RHD: variants seen among roughly 807,000 people sequenced by gnomAD.
RHD encodes the protein blood group Rh(D) polypeptide.
Under a neutral mutation model 45.5 loss-of-function variants are expected in RHD, and 16 were observed. The observed-to-expected ratio is 0.35, with a 90% CI of 0.24 to 0.53. RHD has a LOEUF of 0.53. Among genes scored for constraint, RHD ranks in the 20% least tolerant of loss-of-function variants. The pLI is 0.92. For synonymous variants in RHD, 131 were observed against 217.5 expected, an observed-to-expected ratio of 0.60 and a Z score of 3.50; for missense variants, 306 against 532.0, an observed-to-expected ratio of 0.58 and a Z score of 4.18.
Position 25,295,849 on chromosome 1 carries a change from AATTTTTTT to A in RHD, c.486+5059_486+5066del, listed in dbSNP as rs1457736581. Among the ~76,000 whole-genome samples, 97 of 33,730 alleles carry A rather than the reference AATTTTTTT, an allele frequency of 2.9e-3. 11 individuals are homozygous for A. The highest frequency in any genetic ancestry group is 5.5e-3 in the African/African-American group (95 of 17,220). The allele number at this position is 33,730 out of a possible 152,430, so 22.1% of individuals were successfully genotyped here. A position where few individuals can be genotyped will look rare whatever the true frequency, so the allele number is the denominator to read the frequency against. ...CAATGGTCTGGGAGGGAATATGGGAAATTTTTTTTTTTTTTTTTTTTTTTTTTTTTGAG... is the reference window on the plus strand; with the variant it reads ...CAATGGTCTGGGAGGGAATATGGGAATTTTTTTTTTTTTTTTTTTTTTGAG... On this transcript the variant is annotated intron_variant, in intron 3 of 9. Coordinates refer to ENST00000328664, the MANE Select transcript of RHD (RefSeq NM_016124.6).
At position 25,294,042 on chromosome 1, in the gene RHD, G is replaced by A. The variant is rs1201707542; in HGVS notation, c.486+3251G>A. The A allele has an allele frequency of 2.6e-5, 16 of 608,238 alleles. 3 individuals are homozygous for A. The African/African-American group carries it at 2.7e-4, about 10-fold the overall frequency. The allele number at this position is 608,238 out of a possible 1,614,324, so 37.7% of individuals were successfully genotyped here. On this transcript the variant is annotated intron_variant, in intron 3 of 9. Coordinates refer to ENST00000328664, the MANE Select transcript of RHD (RefSeq NM_016124.6). Reference sequence around the variant, plus strand: ...ATTCTGAAAATAATCTTGTGATTAAGAGAAGAAGGCTGTCCACCAATGGGC... The same window carrying A: ...ATTCTGAAAATAATCTTGTGATTAAAAGAAGAAGGCTGTCCACCAATGGGC...
At chr1:25,324,889 CA>C (rs1333526234) in intron 9 of RHD, among the ~76,000 whole-genome samples, 1 of 114,034 alleles carries the variant, frequency 8.8e-6, no homozygotes, top group Non-Finnish European at 1.8e-5. Context: ...ACTAAAAATA[CA>C]AAAAAAAATT....
rs997148144 is a variant in RHD at position 25,289,959 on chromosome 1, T to C, written c.336-682T>C. 6.9e-5 allele frequency among the ~76,000 whole-genome samples: 9 copies of C among 130,456 alleles called. 4 individuals carry two copies. The highest frequency in any genetic ancestry group is 7.2e-5 in the Non-Finnish European group (4 of 55,486). 85.6% of individuals were successfully genotyped at this position (130,456 alleles called of 152,430 possible). A position where few individuals can be genotyped will look rare whatever the true frequency, so the allele number is the denominator to read the frequency against. On this transcript the variant is annotated intron_variant, in intron 2 of 9. Transcript: ENST00000328664. ...AGCGTCTTTTCAGAAGTTGGTTCTT[T>C]GTGCCAGTCTTGGTGCTAGACACAC...
chr1:25,311,098 G>A lies in RHD; in HGVS notation c.1073+4369G>A, dbSNP rs151179488. Among the ~76,000 whole-genome samples, 25 of 132,800 alleles carry A rather than the reference G, an allele frequency of 1.9e-4. 4 individuals carry two copies. In the East Asian group the frequency reaches 2.5e-3, roughly 13 times the overall value. The allele number at this position is 132,800 out of a possible 152,430, so 87.1% of individuals were successfully genotyped here. ...GAACTTCTTAATGGTTACTGAAGTCGTTGAGATCAGAGTGCTGATAGAAAT... is the reference window on the plus strand; with the variant it reads ...GAACTTCTTAATGGTTACTGAAGTCATTGAGATCAGAGTGCTGATAGAAAT... On this transcript the variant is annotated intron_variant, in intron 7 of 9. Coordinates refer to ENST00000328664, the MANE Select transcript of RHD (RefSeq NM_016124.6).
intron 2 of RHD, among the ~76,000 whole-genome samples, chr1:25,286,363 C>T (rs1354547344): frequency 7.4e-6 from 1 of 134,904 alleles, no homozygotes; most frequent in Non-Finnish European, 1.8e-5. Context: ...GTGGTGTGCA[C>T]CCACAGTCCC....
intron 1 of RHD, among the ~76,000 whole-genome samples, chr1:25,278,057 A>G (rs1355977755): frequency 2.3e-5 from 3 of 130,340 alleles, no homozygotes; most frequent in African/African-American, 7.8e-5. Flanking sequence ...TGGTGATTGT[A>G]TTGAGCATTT....
At chr1:25,283,294 A>G (rs2124616931) in intron 1 of RHD, among the ~76,000 whole-genome samples, 1 of 131,972 alleles carries the variant, frequency 7.6e-6, no homozygotes, top group African/African-American at 2.6e-5. Context: ...ACTTTGGGAA[A>G]CCGAGGTGGG....
chr1:25,306,481 G>A (rs1165286777), intron 6 of RHD, 115 bp from the exon 7 acceptor site: 3 of 1,001,090 alleles, frequency 3.0e-6, no homozygotes, highest in Non-Finnish European at 4.7e-6. Context: ...TCTTTGAGGT[G>A]AGCCTTAGTG....
chr1:25,300,401 A>T (rs1458159973), intron 3 of RHD, among the ~76,000 whole-genome samples: 1 of 129,466 alleles, frequency 7.7e-6, no homozygotes, highest in Non-Finnish European at 1.8e-5. Context: ...AATCCCAGCT[A>T]CTCAGGAGGC....
At position 25,292,200 on chromosome 1, in the gene RHD, G is replaced by A; in HGVS notation, c.486+1409G>A. Among the ~76,000 whole-genome samples the A allele has an allele frequency of 1.5e-5, 2 of 132,656 alleles. 1 individual carries two copies. Among genetic ancestry groups the A allele is most frequent in the Non-Finnish European group, 3.6e-5 (2 of 55,930 alleles). The allele number at this position is 132,656 out of a possible 152,430, so 87.0% of individuals were successfully genotyped here. ...AAAAAAAGCATGAAGCCCCTTTACT[G>A]TGCCTCAGTGTCCCAAAGGACTTTG... On this transcript the variant is annotated intron_variant, in intron 3 of 9. Coordinates refer to ENST00000328664, the MANE Select transcript of RHD (RefSeq NM_016124.6).
At chr1:25,318,069 T>C (rs1204060132) in intron 8 of RHD, 1 of 130,898 alleles carries the variant, frequency 7.6e-6, no homozygotes, top group African/African-American at 2.6e-5. Flanking sequence ...ATACCTGTAA[T>C]TGCAGCAGTT....
Position 25,282,509 on chromosome 1 carries a change from A to G in RHD, c.149-2064A>G, listed in dbSNP as rs1641579800. 1.5e-5 allele frequency among the ~76,000 whole-genome samples: 2 copies of G among 132,400 alleles called. 1 individual carries two copies. The highest frequency in any genetic ancestry group is 5.2e-5 in the African/African-American group (2 of 38,806). 86.9% of individuals were successfully genotyped at this position (132,400 alleles called of 152,430 possible). A position where few individuals can be genotyped will look rare whatever the true frequency, so the allele number is the denominator to read the frequency against. ...CATCCTCCTAAATTGGTATCTTTAT[A>G]TGTCCAAAAGAGTCAACTGGTGGCA... is the stretch of plus-strand genomic sequence containing the variant. On this transcript the variant is annotated intron_variant, in intron 1 of 9. Transcript: ENST00000328664.
At position 25,274,457 on chromosome 1, in the gene RHD, A is replaced by G. The variant is rs868373166; in HGVS notation, c.148+1762A>G. Among the ~76,000 whole-genome samples the G allele has an allele frequency of 2.3e-5, 3 of 132,172 alleles. 1 individual carries two copies. The South Asian group carries it at 6.9e-4, about 30-fold the overall frequency. 86.7% of individuals were successfully genotyped at this position (132,172 alleles called of 152,430 possible). On this transcript the variant is annotated intron_variant, in intron 1 of 9. Coordinates refer to ENST00000328664, the MANE Select transcript of RHD (RefSeq NM_016124.6). ...ATGTTCTTTACCCCTGCACCGTGCT[A>G]CTAACGTAGGTACAAAATGTCCTCA...
chr1:25,283,456 A>G (rs1452786952), intron 1 of RHD, among the ~76,000 whole-genome samples: 1 of 130,706 alleles, frequency 7.7e-6, no homozygotes, highest in African/African-American at 2.6e-5. Flanking sequence ...ACTTGAACCC[A>G]GGAGGCAGAG....
intron 6 of RHD, chr1:25,304,848 A>C (rs1278539175): frequency 3.0e-5 from 4 of 131,962 alleles, no homozygotes; most frequent in Admixed American, 2.9e-4. Flanking sequence ...AAGGGCAGAA[A>C]AAAGAACACA....
At position 25,305,799 on chromosome 1, in the gene RHD, A is replaced by G. The variant is rs1643777076; in HGVS notation, c.940-797A>G. On this transcript the variant is annotated intron_variant, in intron 6 of 9. Transcript: ENST00000328664. ...GTGTTTTTAGTAGAGACGGGGTTTCACCATGTTGGCCCTGCTGGTCTTGAA... is the reference window on the plus strand; with the variant it reads ...GTGTTTTTAGTAGAGACGGGGTTTCGCCATGTTGGCCCTGCTGGTCTTGAA... Among the ~76,000 whole-genome samples the G allele has an allele frequency of 2.3e-5, 3 of 130,176 alleles. 1 individual carries two copies. The highest frequency in any genetic ancestry group is 2.2e-4 in the Admixed American group (3 of 13,348). The allele number at this position is 130,176 out of a possible 152,430, so 85.4% of individuals were successfully genotyped here. A position where few individuals can be genotyped will look rare whatever the true frequency, so the allele number is the denominator to read the frequency against.
chr1:25,278,611 C>T (rs1395150823), intron 1 of RHD, among the ~76,000 whole-genome samples: 1 of 131,034 alleles, frequency 7.6e-6, no homozygotes, highest in Non-Finnish European at 1.8e-5. Flanking sequence ...CTGTAACAAT[C>T]GCCTACCAGG....
intron 8 of RHD, among the ~76,000 whole-genome samples, chr1:25,320,761 G>A (rs1435083041): frequency 1.5e-5 from 2 of 132,264 alleles, no homozygotes; most frequent in African/African-American, 5.2e-5. Context: ...GGGAATGGAG[G>A]TTGGGCACAG....
At position 25,299,099 on chromosome 1, in the gene RHD, A is replaced by G. The variant is rs1209540542; in HGVS notation, c.487-1847A>G. ...AAAAAAAAAAAAAAAAAAAAAAAAC[A>G]GGCTGGGAGCAGTGGCTCATGCCTG... On this transcript the variant is annotated intron_variant, in intron 3 of 9. Coordinates refer to ENST00000328664, the MANE Select transcript of RHD (RefSeq NM_016124.6). 3.3e-5 allele frequency among the ~76,000 whole-genome samples: 4 copies of G among 121,176 alleles called. 1 individual carries two copies. The highest frequency in any genetic ancestry group is 1.6e-4 in the Admixed American group (2 of 12,380). 79.5% of individuals were successfully genotyped at this position (121,176 alleles called of 152,430 possible).
Sources: allele counts gnomAD v4.1 joint callset (sites outside exome capture counted in the v4.1 genomes callset), GRCh38; gene constraint gnomAD v4.1.1; transcripts MANE v1.5; gene names NCBI Gene and HGNC (gene_info 2026-07-23, HGNC 2026-07-21).